The following IQGAP3 variants were observed in gnomAD, a reference collection of about 807,000 sequenced individuals.
IQGAP3 encodes the protein ras GTPase-activating-like protein IQGAP3.
Under a neutral mutation model 208.2 loss-of-function variants are expected in IQGAP3, and 165 were observed. The observed-to-expected ratio is 0.79, with a 90% CI of 0.70 to 0.90. IQGAP3 has a LOEUF of 0.90. IQGAP3 is among the 40% of genes least tolerant of loss of function. IQGAP3 has a pLI of 0.00. For missense variants in IQGAP3, 1,811 were observed against 2,043.1 expected (o/e 0.89, Z 2.19); for synonymous variants, 703 against 803.6 (o/e 0.87, Z 2.12).
intron 5 of IQGAP3, 67 bp from the exon 6 acceptor site, chr1:156,563,891 G>C: frequency 2.3e-6 from 3 of 1,309,944 alleles, no homozygotes; most frequent in Non-Finnish European, 3.3e-6. Flanking sequence ...GCCCACGATG[G>C]GTTTGAAGGG....
intron 2 of IQGAP3, among the ~76,000 whole-genome samples, chr1:156,568,646 C>T (rs1346591078): frequency 2.0e-5 from 3 of 152,166 alleles, no homozygotes; most frequent in East Asian, 1.9e-4. Context: ...CCTCAGCCCC[C>T]CAAGTAGCTG....
chr1:156,527,753 G>T (rs1029051903), intron 37 of IQGAP3, among the ~76,000 whole-genome samples, 199 bp downstream of exon 37: 10 of 152,198 alleles, frequency 6.6e-5, no homozygotes, highest in African/African-American at 2.4e-4. Context: ...TGCCAGTGGG[G>T]TCTGTGTCAG....
intron 12 of IQGAP3, 58 bp from the exon 13 acceptor site, chr1:156,554,450 T>C: frequency 6.7e-7 from 1 of 1,483,838 alleles, no homozygotes; most frequent in Non-Finnish European, 9.0e-7. Context: ...TAAAGGCCTA[T>C]TCACCATCCT....
At chr1:156,537,923 G>T (rs1298095447) in intron 26 of IQGAP3, among the ~76,000 whole-genome samples, 1 of 149,950 alleles carries the variant, frequency 6.7e-6, no homozygotes, top group African/African-American at 2.5e-5. Context: ...GGGGGACAGA[G>T]TCTCACTCTG....
At position 156,548,196 on chromosome 1, in the gene IQGAP3, C is replaced by T; in HGVS notation, c.2181G>A (p.Trp727Ter). 1.2e-6 allele frequency: 2 copies of T among 1,614,120 alleles called. No individual in the cohort carries two copies. The highest frequency in any genetic ancestry group is 8.5e-7 in the Non-Finnish European group (1 of 1,180,024). Residue 727 changes from tryptophan to a stop codon, truncating the protein, a stop_gained, in exon 19 of 38, where the codon TGG (tryptophan) becomes TGA (stop). Coordinates refer to ENST00000361170, the MANE Select transcript of IQGAP3 (RefSeq NM_178229.5). LOFTEE classifies it high-confidence loss of function. Reference sequence around the variant, plus strand: ...GGATAACAAAGCCGACGTTGGCTTTCCAGAGCTGTTGGCGGTCATAGGCAG... The same window carrying T: ...GGATAACAAAGCCGACGTTGGCTTTTCAGAGCTGTTGGCGGTCATAGGCAG... ...VTAAYDRQQL[W>*]KANVGFVIQL...
chr1:156,564,084 G>A (rs1050227663), intron 5 of IQGAP3, among the ~76,000 whole-genome samples: 3 of 152,152 alleles, frequency 2.0e-5, no homozygotes, highest in East Asian at 1.9e-4. Flanking sequence ...TGCAGTAGCA[G>A]GTCACTCAAT....
chr1:156,540,123 G>A (rs1674905651), intron 23 of IQGAP3, 133 bp from the exon 24 acceptor site: 1 of 995,266 alleles, frequency 1.0e-6, no homozygotes, highest in African/African-American at 1.6e-5. Flanking sequence ...CTGGGGGACA[G>A]AAGCAGTTCT....
chr1:156,539,624 A>G, intron 24 of IQGAP3, 87 bp from the exon 25 acceptor site: 1 of 1,427,094 alleles, frequency 7.0e-7, no homozygotes, highest in Non-Finnish European at 9.7e-7. Context: ...CCTGATGGAA[A>G]TCTGGAATGG....
chr1:156,533,885 G>A lies in IQGAP3; in HGVS notation c.3874-10C>T, dbSNP rs190698445. On this transcript the variant is annotated splice_polypyrimidine_tract_variant and intron_variant, in intron 30 of 37. Coordinates refer to ENST00000361170, the MANE Select transcript of IQGAP3 (RefSeq NM_178229.5). Reference sequence around the variant, plus strand: ...GGTGCTCCAGCAACAGCTGCAGGACGGAGAAAGAAAAGGAGATGCAGGGTC... The same window carrying A: ...GGTGCTCCAGCAACAGCTGCAGGACAGAGAAAGAAAAGGAGATGCAGGGTC... The A allele has an allele frequency of 6.1e-5, 98 of 1,606,306 alleles. No homozygotes were observed. Among genetic ancestry groups the A allele is most frequent in the Admixed American group, 2.0e-4 (12 of 59,402 alleles).
At chr1:156,530,052 G>GCA (rs368737629) in intron 34 of IQGAP3, 53 bp downstream of exon 34, 435 of 1,312,292 alleles carry the variant, frequency 3.3e-4, no homozygotes, top group Non-Finnish European at 4.0e-4. Context: ...GTATATGCAC[G>GCA]CACACACACA....
chr1:156,529,440 A>T (rs1010644651), intron 34 of IQGAP3, among the ~76,000 whole-genome samples: 1 of 152,054 alleles, frequency 6.6e-6, no homozygotes, highest in Admixed American at 6.5e-5. Context: ...TGGGGAAGAA[A>T]AAAAAAAAGA....
intron 16 of IQGAP3, among the ~76,000 whole-genome samples, chr1:156,549,549 G>A (rs1437588614): frequency 1.3e-5 from 2 of 151,896 alleles, no homozygotes; most frequent in Admixed American, 6.6e-5. Context: ...TCAGGAATCC[G>A]AGGTGGGAGG....
chr1:156,543,919 T>C, intron 22 of IQGAP3, 62 bp downstream of exon 22: 3 of 1,440,686 alleles, frequency 2.1e-6, no homozygotes, highest in Admixed American at 3.4e-5. Context: ...TGTCTAGACC[T>C]GCCTGGCTCT....
rs529417474 is a variant in IQGAP3 at position 156,562,109 on chromosome 1, C to T, written c.878-108G>A. On this transcript the variant is annotated intron_variant, in intron 9 of 37. Coordinates refer to ENST00000361170, the MANE Select transcript of IQGAP3 (RefSeq NM_178229.5). Reference sequence around the variant, plus strand: ...CTTCTTGCCTGCCCGGAATTACCCCCACCCTTTCCCCCTTGGTTCCTGGGC... The same window carrying T: ...CTTCTTGCCTGCCCGGAATTACCCCTACCCTTTCCCCCTTGGTTCCTGGGC... 433 of 1,025,290 alleles carry T rather than the reference C, an allele frequency of 4.2e-4. 2 individuals are homozygous for T. The highest frequency in any genetic ancestry group is 2.3e-3 in the Admixed American group (81 of 35,074). The allele number at this position is 1,025,290 out of a possible 1,614,324, so 63.5% of individuals were successfully genotyped here.
Position 156,561,037 on chromosome 1 carries a change from G to A in IQGAP3, c.1042-16C>T. ...GGCCCAGCTCCTAAGAGAGGGAAGA[G>A]ATACAGTAGAATGGAGTCCTTCCGG... On this transcript the variant is annotated splice_polypyrimidine_tract_variant and intron_variant, in intron 10 of 37. Coordinates refer to ENST00000361170, the MANE Select transcript of IQGAP3 (RefSeq NM_178229.5). The A allele has an allele frequency of 1.9e-6, 3 of 1,589,408 alleles. No individual in the cohort carries two copies. The highest frequency in any genetic ancestry group is 2.2e-5 in the East Asian group (1 of 44,742).
At position 156,548,009 on chromosome 1, in the gene IQGAP3, C is replaced by T. The variant is rs943139160; in HGVS notation, c.2304+64G>A. ...TCCCATGTCAGTAAAAAGGAAGCAG[C>T]GTGGATACCCTGGAGCCCAGATAAG... On this transcript the variant is annotated intron_variant, in intron 19 of 37. Coordinates refer to ENST00000361170, the MANE Select transcript of IQGAP3 (RefSeq NM_178229.5). The T allele has an allele frequency of 1.2e-5, 17 of 1,428,754 alleles. No individual in the cohort carries two copies. The African/African-American group carries it at 1.3e-4, about 11-fold the overall frequency. The allele number at this position is 1,428,754 out of a possible 1,614,324, so 88.5% of individuals were successfully genotyped here.
At chr1:156,564,295 G>A (rs1676299652) in intron 5 of IQGAP3, among the ~76,000 whole-genome samples, 1 of 152,174 alleles carries the variant, frequency 6.6e-6, no homozygotes, top group South Asian at 2.1e-4. Flanking sequence ...TCCATACTAA[G>A]TGTCTTGCCT....
At chr1:156,531,009 G>A (rs1674366038) in intron 33 of IQGAP3, 151 bp downstream of exon 33, 1 of 694,704 alleles carries the variant, frequency 1.4e-6, no homozygotes. Flanking sequence ...CCCTCATCCT[G>A]TAGGCCTCCA....
At position 156,563,274 on chromosome 1, in the gene IQGAP3, G is replaced by GAGAT; in HGVS notation, c.657_658insATCT (p.Arg220IlefsTer49). On this transcript the variant is annotated frameshift_variant, in exon 8 of 38. Transcript: ENST00000361170. LOFTEE classifies it high-confidence loss of function. ...GCCAGGGTGTCCTCCACCACCCCTC[G>GAGAT]CTCCACTGCTTCATTGATGGCAAGA... 6.2e-7 allele frequency: 1 copy of GAGAT among 1,608,394 alleles called. No homozygotes were observed. The highest frequency in any genetic ancestry group is 8.5e-7 in the Non-Finnish European group (1 of 1,175,796).
Sources: allele counts gnomAD v4.1 joint callset (sites outside exome capture counted in the v4.1 genomes callset), GRCh38; gene constraint gnomAD v4.1.1; transcripts MANE v1.5; gene names NCBI Gene and HGNC (gene_info 2026-07-23, HGNC 2026-07-21).